The following TMIGD3 variants were observed in gnomAD, a reference collection of about 807,000 sequenced individuals.
TMIGD3 encodes the protein AD026 protein (AD026).
Under a neutral mutation model 28.1 loss-of-function variants are expected in TMIGD3, and 21 were observed. The observed-to-expected ratio is 0.75, with a 90% CI of 0.53 to 1.08. The LOEUF (loss-of-function observed/expected upper bound fraction) is 1.08. Among genes scored for constraint, TMIGD3 ranks in the 50% least tolerant of loss-of-function variants. The pLI, the probability that TMIGD3 is intolerant of heterozygous loss-of-function variation, is 0.00. For synonymous variants in TMIGD3, 151 were observed against 162.1 expected (o/e 0.93, Z 0.52); for missense variants, 416 against 435.6 (o/e 0.96, Z 0.40).
chr1:111,492,836 A>C (rs1452184285), intron 1 of TMIGD3, among the ~76,000 whole-genome samples: 1 of 148,122 alleles, frequency 6.8e-6, no homozygotes, highest in African/African-American at 2.5e-5. Context: ...AAAAAAAAGT[A>C]TCTCTAAAGT....
Position 111,500,236 on chromosome 1 carries a change from C to T in TMIGD3, c.350+2769G>A, listed in dbSNP as rs145233928. ...CAAGGACTTAGCCGTCTTGAACTCC[C>T]GTCCATAAAATGCACCTGTCTCTTT... On this transcript the variant is annotated intron_variant, in intron 1 of 5. Coordinates refer to ENST00000369716, the MANE Select transcript of TMIGD3 (RefSeq NM_020683.7). 4.2e-5 allele frequency: 68 copies of T among 1,613,986 alleles called. No individual in the cohort carries two copies. The East Asian group carries it at 5.3e-4, about 13-fold the overall frequency.
intron 1 of TMIGD3, among the ~76,000 whole-genome samples, chr1:111,497,362 G>A (rs1038221203): frequency 2.0e-5 from 3 of 152,162 alleles, no homozygotes; most frequent in African/African-American, 4.8e-5. Flanking sequence ...CGCCCACCTC[G>A]GCCTCCCAAA....
At chr1:111,541,236 G>A (rs1282735246) in intron 1 of TMIGD3, among the ~76,000 whole-genome samples, 2 of 152,208 alleles carry the variant, frequency 1.3e-5, no homozygotes, top group Non-Finnish European at 2.9e-5. Context: ...GGATGAACAA[G>A]TATTTGCTGC....
rs994988276 is a variant in TMIGD3, at chr1:111,557,011, G to A, written c.107+6835C>T. 2.0e-5 allele frequency among the ~76,000 whole-genome samples: 3 copies of A among 152,084 alleles called. No individual in the cohort carries two copies. The East Asian group carries it at 5.8e-4, about 29-fold the overall frequency. ...AAAAGATGCAAATATTCAACTTAAG[G>A]AATCACAAAGAATCCCTCATAAAAC... On this transcript the variant is annotated intron_variant, in intron 1 of 5. Coordinates refer to the TMIGD3 transcript ENST00000369717.
intron 1 of TMIGD3, among the ~76,000 whole-genome samples, chr1:111,525,024 T>A (rs1656217211): frequency 6.6e-6 from 1 of 152,264 alleles, no homozygotes; most frequent in Non-Finnish European, 1.5e-5. Flanking sequence ...TATTGACTTC[T>A]AATTTAATTC....
intron 1 of TMIGD3, among the ~76,000 whole-genome samples, chr1:111,521,299 A>G (rs1038879957): frequency 2.0e-5 from 3 of 152,228 alleles, no homozygotes; most frequent in Non-Finnish European, 4.4e-5. Flanking sequence ...ATACCTCGTT[A>G]TGGGATGACT....
In TMIGD3 at chr1:111,483,550, A is replaced by C. The variant is rs965028492; in HGVS notation, c.*137T>G. On this transcript the variant is annotated 3_prime_UTR_variant, in exon 6 of 6. Coordinates refer to ENST00000369716, the MANE Select transcript of TMIGD3 (RefSeq NM_020683.7). ...ACTACCGCCGTTGCTACCTGGCTGC[A>C]AATGATTGTTGTCAAGGATAGAGGG... The C allele has an allele frequency of 1.7e-5, 13 of 779,816 alleles. No homozygotes were observed. In the African/African-American group the frequency reaches 2.3e-4, roughly 14 times the overall value. 48.3% of individuals were successfully genotyped at this position (779,816 alleles called of 1,614,324 possible). A position where few individuals can be genotyped will look rare whatever the true frequency, so the allele number is the denominator to read the frequency against.
intron 1 of TMIGD3, among the ~76,000 whole-genome samples, chr1:111,555,362 T>TAAAAAAAAAAAAAAAA (rs397981230): frequency 6.3e-5 from 3 of 47,640 alleles, no homozygotes; most frequent in Admixed American, 3.2e-4. Flanking sequence ...TGAGACTCTG[T>TAAAAAAAAAAAAAAAA]AAAAAAAAAA....
At chr1:111,540,332 C>T (rs1273682240) in intron 1 of TMIGD3, among the ~76,000 whole-genome samples, 1 of 152,252 alleles carries the variant, frequency 6.6e-6, no homozygotes, top group Non-Finnish European at 1.5e-5. Flanking sequence ...CGTGATATCA[C>T]TTATCTGCTG....
rs144393578 is a variant in TMIGD3 at position 111,513,748 on chromosome 1, C to T, written c.108-22986G>A. Among the ~76,000 whole-genome samples the T allele has an allele frequency of 3.5e-3, 540 of 152,310 alleles. 6 individuals are homozygous for T. The highest frequency in any genetic ancestry group is 0.012 in the African/African-American group (507 of 41,576). On this transcript the variant is annotated intron_variant, in intron 1 of 5. Coordinates refer to the TMIGD3 transcript ENST00000369717. ...CCCCTCCCTCCCTCTACCCCACCCA[C>T]GCCTAGTGCCCATGACTAGGGCTTT...
chr1:111,505,619 G>C (rs551846922), upstream of TMIGD3, among the ~76,000 whole-genome samples: 4 of 152,282 alleles, frequency 2.6e-5, no homozygotes, highest in South Asian at 8.3e-4. Context: ...TGGGAAAGAG[G>C]ACAGAGAGGC....
In TMIGD3 at chr1:111,503,132, C is replaced by A; in HGVS notation, c.223G>T (p.Gly75Cys). The change falls in exon 1 of 6, where the codon GGC becomes TGC. Residue 75 changes from glycine (G) to cysteine (C), a missense_variant. By Grantham distance (159) the Gly-to-Cys change is radical. Transcript: ENST00000369716. ...VMPLAIVVSL[G>C]ITIHFYSCLF... is the part of the protein sequence containing the mutation. ...CAGCTGTAGAAGTGGATTGTGATGCCCAGGCTGACAACAATGGCCAAAGGC... is the reference window on the plus strand; with the variant it reads ...CAGCTGTAGAAGTGGATTGTGATGCACAGGCTGACAACAATGGCCAAAGGC... 6.2e-7 allele frequency: 1 copy of A among 1,614,112 alleles called. No individual in the cohort carries two copies.
intron 1 of TMIGD3, among the ~76,000 whole-genome samples, chr1:111,557,137 G>T (rs1306264862): frequency 6.6e-6 from 1 of 152,180 alleles, no homozygotes; most frequent in East Asian, 1.9e-4. Context: ...ACAGAGGAAT[G>T]ATATTTAGAC....
intron 1 of TMIGD3, among the ~76,000 whole-genome samples, chr1:111,492,855 G>A (rs1654732268): frequency 6.7e-6 from 1 of 150,034 alleles, no homozygotes; most frequent in Non-Finnish European, 1.5e-5. Flanking sequence ...GTAAATGAAA[G>A]TGCCAGAGCT....
chr1:111,487,012 G>A (rs538926772), intron 3 of TMIGD3, among the ~76,000 whole-genome samples: 1 of 152,292 alleles, frequency 6.6e-6, no homozygotes, highest in Admixed American at 6.5e-5. Context: ...CCCCATAGGA[G>A]GGGATGCCAG....
At chr1:111,515,407 C>T (rs1438171761) in intron 1 of TMIGD3, among the ~76,000 whole-genome samples, 1 of 152,192 alleles carries the variant, frequency 6.6e-6, no homozygotes, top group African/African-American at 2.4e-5. Context: ...CTCAGCCCTG[C>T]TTGTGTGAGG....
Position 111,483,413 on chromosome 1 carries a change from C to T in TMIGD3, c.*274G>A. The T allele has an allele frequency of 2.6e-6, 1 of 385,232 alleles. No individual in the cohort carries two copies. The highest frequency in any genetic ancestry group is 3.1e-5 in the South Asian group (1 of 32,256). 23.9% of individuals were successfully genotyped at this position (385,232 alleles called of 1,614,324 possible). On this transcript the variant is annotated 3_prime_UTR_variant, in exon 6 of 6. Coordinates refer to ENST00000369716, the MANE Select transcript of TMIGD3 (RefSeq NM_020683.7). Reference sequence around the variant, plus strand: ...ACAAGTGATTTCCTGGTCCCCAATCCAGATTCTCCACCTCTTCTTCACTTC... The same window carrying T: ...ACAAGTGATTTCCTGGTCCCCAATCTAGATTCTCCACCTCTTCTTCACTTC...
intron 1 of TMIGD3, among the ~76,000 whole-genome samples, chr1:111,542,957 A>G (rs978480470): frequency 4.2e-4 from 64 of 152,248 alleles, no homozygotes; most frequent in African/African-American, 1.5e-3. Context: ...TTGGCCTCCC[A>G]AAGTGCTGGG....
chr1:111,535,359 T>A (rs544240187), intron 1 of TMIGD3, among the ~76,000 whole-genome samples: 1 of 152,318 alleles, frequency 6.6e-6, no homozygotes, highest in South Asian at 2.1e-4. Context: ...CGTATCACTC[T>A]AGAAATTGTT....
Sources: allele counts gnomAD v4.1 joint callset (sites outside exome capture counted in the v4.1 genomes callset), GRCh38; gene constraint gnomAD v4.1.1; transcripts MANE v1.5; gene names NCBI Gene and HGNC (gene_info 2026-07-23, HGNC 2026-07-21).